The following SLC38A9 variants were observed in gnomAD, a reference collection of about 807,000 sequenced individuals.
The protein encoded by SLC38A9 is neutral amino acid transporter 9.
Under a neutral mutation model 62.3 loss-of-function variants are expected in SLC38A9, and 48 were observed. That is an observed-to-expected ratio of 0.77 (90% CI 0.61 to 0.98). SLC38A9 has a LOEUF of 0.98. Ranked by LOEUF, SLC38A9 falls within the 50% of genes least tolerant of loss-of-function variation. SLC38A9 has a pLI of 0.00. For synonymous variants in SLC38A9, 204 were observed against 227.7 expected (o/e 0.90, Z 0.94); for missense variants, 541 against 679.8 (o/e 0.80, Z 2.27).
At chr5:55,710,494 C>A (rs1718948974) in intron 2 of SLC38A9, among the ~76,000 whole-genome samples, 1 of 152,248 alleles carries the variant, frequency 6.6e-6, no homozygotes, top group Admixed American at 6.5e-5. Context: ...CAGGCGTTAG[C>A]CACCGCAATC....
intron 3 of SLC38A9, among the ~76,000 whole-genome samples, chr5:55,680,020 A>C (rs1327037585): frequency 1.3e-5 from 2 of 152,190 alleles, no homozygotes; most frequent in Admixed American, 1.3e-4. Context: ...GCCAGTTATT[A>C]CTCTCCTCCT....
chr5:55,639,042 G>T (rs971717728), intron 12 of SLC38A9, among the ~76,000 whole-genome samples: 5 of 152,140 alleles, frequency 3.3e-5, no homozygotes, highest in South Asian at 2.1e-4. Flanking sequence ...TGATGGCCAG[G>T]CGCGGTGGTT....
chr5:55,687,340 T>A (rs894349013), intron 3 of SLC38A9, among the ~76,000 whole-genome samples: 2 of 133,062 alleles, frequency 1.5e-5, no homozygotes, highest in South Asian at 4.5e-4. Flanking sequence ...GGCAGGAGAA[T>A]GGCGTGAACC....
At chr5:55,688,740 T>C (rs189082318) in intron 3 of SLC38A9, among the ~76,000 whole-genome samples, 1,671 of 152,054 alleles carry the variant, frequency 0.011, 12 homozygotes, top group Non-Finnish European at 0.019. Context: ...CTTAATAAAA[T>C]AGAAAATATA....
At chr5:55,688,505 G>T (rs962627271) in intron 3 of SLC38A9, among the ~76,000 whole-genome samples, 1 of 149,654 alleles carries the variant, frequency 6.7e-6, no homozygotes, top group Non-Finnish European at 1.5e-5. Flanking sequence ...TCAGTCTCCA[G>T]AGTAGCTGGG....
intron 14 of SLC38A9, 38 bp downstream of exon 14, chr5:55,633,715 TG>T: frequency 6.2e-7 from 1 of 1,613,698 alleles, no homozygotes; most frequent in East Asian, 2.2e-5. Context: ...AGTCATTTGT[TG>T]CTTGGCACAT....
At chr5:55,656,584 T>C (rs914662087) in intron 9 of SLC38A9, 131 bp downstream of exon 9, 1 of 655,682 alleles carries the variant, frequency 1.5e-6, no homozygotes, top group South Asian at 1.8e-5. Flanking sequence ...ACCAACAATT[T>C]AGTAGCAGCT....
intron 14 of SLC38A9, among the ~76,000 whole-genome samples, chr5:55,632,178 C>T (rs1323933229): frequency 6.6e-6 from 1 of 152,140 alleles, no homozygotes; most frequent in Non-Finnish European, 1.5e-5. Context: ...TGGCTCACGC[C>T]GGTAATCCCA....
Position 55,662,897 on chromosome 5 carries a change from C to CT in SLC38A9, c.697+1795dup, listed in dbSNP as rs34571635. On this transcript the variant is annotated intron_variant, in intron 8 of 15. Transcript: ENST00000396865. The stretch of plus-strand genomic sequence containing the variant: ...AGCATAGTGGCTTGTGTCTATAATT[C>CT]TTTTTTTTTTTTTTCTGAGATAGAG... Among the ~76,000 whole-genome samples, 158 of 141,576 alleles carry CT rather than the reference C, an allele frequency of 1.1e-3. 1 individual carries two copies. Among genetic ancestry groups the CT allele is most frequent in the East Asian group, 5.7e-3 (27 of 4,746 alleles). The allele number at this position is 141,576 out of a possible 152,430, so 92.9% of individuals were successfully genotyped here. A position where few individuals can be genotyped will look rare whatever the true frequency, so the allele number is the denominator to read the frequency against.
chr5:55,687,061 CTTTGT>C (rs1561413479), intron 3 of SLC38A9, among the ~76,000 whole-genome samples: 1 of 55,364 alleles, frequency 1.8e-5, no homozygotes, highest in Admixed American at 1.8e-4. Flanking sequence ...ATGCCTCCAG[CTTTGT>C]TTTTTTTTTT....
At chr5:55,670,799 A>G (rs1403845924) in intron 4 of SLC38A9, among the ~76,000 whole-genome samples, 1 of 152,052 alleles carries the variant, frequency 6.6e-6, no homozygotes, top group African/African-American at 2.4e-5. Context: ...GATTATCTCT[A>G]CTCCTCCAAG....
intron 3 of SLC38A9, chr5:55,696,062 C>G (rs1490601182): frequency 1.1e-5 from 1 of 87,574 alleles, no homozygotes; most frequent in African/African-American, 3.7e-5. Flanking sequence ...GGCGGCTGGC[C>G]GGGCGGGGGG....
At position 55,712,281 on chromosome 5, in the gene SLC38A9, T is replaced by G. The variant is rs1758167039; in HGVS notation, c.-147A>C. On this transcript the variant is annotated 5_prime_UTR_variant, in exon 1 of 16. Transcript: ENST00000396865. ...GAAGATAAAGATTCCCTTCCCAAAT[T>G]CTCGCAATTTGCGACCGCGGGGCTC... The G allele has an allele frequency of 6.6e-6, 1 of 152,638 alleles. No homozygotes were observed. Among genetic ancestry groups the G allele is most frequent in the Admixed American group, 6.5e-5 (1 of 15,286 alleles). The allele number at this position is 152,638 out of a possible 1,614,324, so 9.5% of individuals were successfully genotyped here.
intron 2 of SLC38A9, 158 bp downstream of exon 2, chr5:55,711,293 GA>G (rs11404858): frequency 1.2e-4 from 17 of 145,558 alleles, no homozygotes; most frequent in East Asian, 2.0e-4. Context: ...ACTCTTGTCT[GA>G]AAAAAAAAAA....
chr5:55,672,505 A>G (rs1751483357), intron 4 of SLC38A9, 58 bp downstream of exon 4: 1 of 1,587,856 alleles, frequency 6.3e-7, no homozygotes, highest in Non-Finnish European at 8.6e-7. Context: ...CCTGGCTTAT[A>G]TTGTTCACTG....
chr5:55,644,982 C>G (rs905283792), intron 12 of SLC38A9, among the ~76,000 whole-genome samples: 5 of 151,898 alleles, frequency 3.3e-5, no homozygotes, highest in Non-Finnish European at 7.4e-5. Flanking sequence ...GTTTTTTGTC[C>G]TTGCGATAGT....
intron 3 of SLC38A9, among the ~76,000 whole-genome samples, chr5:55,678,838 T>A (rs907497103): frequency 2.6e-5 from 4 of 151,806 alleles, no homozygotes; most frequent in African/African-American, 9.7e-5. Context: ...TTTTTTAATT[T>A]TTTGTAGAGA....
At chr5:55,627,754 G>A in intron 15 of SLC38A9, 137 bp downstream of exon 15, 1 of 547,840 alleles carries the variant, frequency 1.8e-6, no homozygotes, top group South Asian at 3.1e-5. Flanking sequence ...GATACCAAGG[G>A]GCTGCATTTG....
chr5:55,702,156 A>G (rs1756747215), intron 2 of SLC38A9, among the ~76,000 whole-genome samples: 1 of 152,246 alleles, frequency 6.6e-6, no homozygotes, highest in African/African-American at 2.4e-5. Context: ...TGTGTAACTT[A>G]GCATTAACAA....
Sources: gnomAD v4.1 joint callset for allele counts (sites outside exome capture counted in the v4.1 genomes callset) on GRCh38, gnomAD v4.1.1 for gene constraint, MANE v1.5 for transcripts, NCBI Gene and HGNC (gene_info 2026-07-23, HGNC 2026-07-21) for gene names.